The following KIF16B variants were observed in gnomAD, a reference collection of about 807,000 sequenced individuals.
The protein encoded by KIF16B is kinesin family member 16B.
In KIF16B, 98 loss-of-function variants were observed where a neutral mutation model predicts 156.3. That is an observed-to-expected ratio of 0.63 (90% CI 0.53 to 0.74). KIF16B has a LOEUF of 0.74. Ranked by LOEUF, KIF16B falls within the 30% of genes least tolerant of loss-of-function variation. KIF16B has a pLI of 0.00. For missense variants in KIF16B, 1,421 were observed against 1,606.5 expected, an observed-to-expected ratio of 0.88 and a Z score of 1.97; for synonymous variants, 564 against 583.7, an observed-to-expected ratio of 0.97 and a Z score of 0.49.
chr20:16,537,890 G>T (rs1395274857), intron 1 of KIF16B, among the ~76,000 whole-genome samples: 1 of 151,788 alleles, frequency 6.6e-6, no homozygotes, highest in South Asian at 2.1e-4. Flanking sequence ...TTTTAGTAGA[G>T]ACGGGGTTTC....
At chr20:16,378,763 T>G in intron 19 of KIF16B, 42 bp downstream of exon 19, 1 of 1,521,070 alleles carries the variant, frequency 6.6e-7, no homozygotes. Context: ...GAGCACTCAT[T>G]TGGCACCCAC....
chr20:16,494,471 C>A (rs952028620), intron 11 of KIF16B, 121 bp from the exon 12 acceptor site: 3 of 591,164 alleles, frequency 5.1e-6, no homozygotes, highest in Non-Finnish European at 8.8e-6. Flanking sequence ...GAGATCGCGA[C>A]TTTTACCCCT....
At position 16,371,739 on chromosome 20, in the gene KIF16B, C is replaced by G. The variant is rs1225995955; in HGVS notation, c.3373G>C (p.Glu1125Gln). The G allele has an allele frequency of 6.2e-7, 1 of 1,613,542 alleles. No homozygotes were observed. Among genetic ancestry groups the G allele is most frequent in the East Asian group, 2.2e-5 (1 of 44,882 alleles). The change falls in exon 21 of 26, where the codon GAA (glutamate) becomes CAA (glutamine). Residue 1125 changes from glutamate (E) to glutamine (Q), a missense_variant. Coordinates refer to ENST00000354981, the MANE Select transcript of KIF16B (RefSeq NM_024704.5). ...DARINAYIEE[E>Q]VQRRLQDLHR... is the part of the protein sequence containing the mutation. ...AAATCCTGAAGGCGTCTTTGGACTT[C>G]TTCTTCAATGTAAGCATTGATCCTG...
intron 14 of KIF16B, among the ~76,000 whole-genome samples, chr20:16,428,028 T>C (rs934596956): frequency 4.6e-5 from 7 of 152,124 alleles, no homozygotes; most frequent in African/African-American, 1.4e-4. Flanking sequence ...GTTCTTACCA[T>C]CATTTATAGC....
intron 25 of KIF16B, among the ~76,000 whole-genome samples, chr20:16,311,770 A>G (rs1428191855): frequency 1.3e-5 from 2 of 152,210 alleles, no homozygotes; most frequent in African/African-American, 2.4e-5. Flanking sequence ...AAAAAGAAAT[A>G]CAAACTAGAT....
chr20:16,274,788 C>T (rs921935283), intron 25 of KIF16B, among the ~76,000 whole-genome samples: 1 of 152,184 alleles, frequency 6.6e-6, no homozygotes, highest in Non-Finnish European at 1.5e-5. Context: ...GATGCCAAAG[C>T]ACAGGACAAA....
At chr20:16,549,035 TC>T (rs67724636) in intron 1 of KIF16B, among the ~76,000 whole-genome samples, 51,618 of 149,488 alleles carry the variant, frequency 0.35, 8,997 homozygotes, top group African/African-American at 0.36. Context: ...TGTTTTTTTT[TC>T]GTTAGTTTTT....
intron 25 of KIF16B, among the ~76,000 whole-genome samples, chr20:16,296,624 T>C (rs1366060665): frequency 6.6e-6 from 1 of 152,202 alleles, no homozygotes; most frequent in Non-Finnish European, 1.5e-5. Flanking sequence ...AGATGACAGA[T>C]GTTACCAGTC....
chr20:16,289,458 G>T (rs1340631223), intron 25 of KIF16B, among the ~76,000 whole-genome samples: 2 of 152,166 alleles, frequency 1.3e-5, no homozygotes, highest in East Asian at 1.9e-4. Flanking sequence ...GTAAAAGCAA[G>T]AATTTGAAAT....
At chr20:16,482,514 G>A (rs901773066) in intron 12 of KIF16B, among the ~76,000 whole-genome samples, 2 of 152,004 alleles carry the variant, frequency 1.3e-5, no homozygotes, top group Admixed American at 6.6e-5. Context: ...ACCCGCATTT[G>A]GAGCTCATTT....
At chr20:16,387,161 G>T (rs4814480) in intron 17 of KIF16B, among the ~76,000 whole-genome samples, 26,131 of 152,112 alleles carry the variant, frequency 0.17, 2,922 homozygotes, top group East Asian at 0.6. Flanking sequence ...TAATAGCAGG[G>T]TTAGAAGTAA....
intron 1 of KIF16B, among the ~76,000 whole-genome samples, chr20:16,551,833 C>T (rs1050883071): frequency 3.9e-5 from 6 of 152,118 alleles, no homozygotes; most frequent in African/African-American, 1.4e-4. Context: ...CCCAAGAAAG[C>T]AGGCCCCCCT....
chr20:16,324,683 T>C (rs1451768849), intron 24 of KIF16B, among the ~76,000 whole-genome samples: 4 of 151,814 alleles, frequency 2.6e-5, no homozygotes, highest in African/African-American at 7.2e-5. Flanking sequence ...TTTACACTAA[T>C]GAAAAATCAA....
chr20:16,474,062 G>A (rs2067739021), intron 12 of KIF16B, among the ~76,000 whole-genome samples: 1 of 152,088 alleles, frequency 6.6e-6, no homozygotes, highest in Non-Finnish European at 1.5e-5. Flanking sequence ...ACCTCCTCAG[G>A]TAATAGAGTT....
intron 10 of KIF16B, among the ~76,000 whole-genome samples, chr20:16,501,263 CAAG>C: frequency 1.6e-5 from 1 of 60,810 alleles, no homozygotes; most frequent in African/African-American, 4.3e-5. Flanking sequence ...TTTTATACAC[CAAG>C]AATTGAATTC....
intron 22 of KIF16B, among the ~76,000 whole-genome samples, chr20:16,370,119 G>C (rs1333731975): frequency 6.6e-6 from 1 of 152,122 alleles, no homozygotes; most frequent in Non-Finnish European, 1.5e-5. Context: ...CAGTGGAGGA[G>C]AATACCAGTG....
intron 12 of KIF16B, among the ~76,000 whole-genome samples, chr20:16,448,323 C>T (rs1450251038): frequency 6.6e-6 from 1 of 151,976 alleles, no homozygotes; most frequent in Non-Finnish European, 1.5e-5. Context: ...AATGCAGATG[C>T]TTCCACGTAT....
At chr20:16,452,366 GC>G (rs1398839984) in intron 12 of KIF16B, among the ~76,000 whole-genome samples, 1 of 149,254 alleles carries the variant, frequency 6.7e-6, no homozygotes, top group Non-Finnish European at 1.5e-5. Context: ...TTGAATATGA[GC>G]AAAAAAGTAA....
At chr20:16,332,544 T>G (rs1378386589) in intron 24 of KIF16B, among the ~76,000 whole-genome samples, 1 of 152,220 alleles carries the variant, frequency 6.6e-6, no homozygotes. Context: ...TATAACATTC[T>G]TTTGTCCTTA....
Sources: gnomAD v4.1 joint callset for allele counts (sites outside exome capture counted in the v4.1 genomes callset) on GRCh38, gnomAD v4.1.1 for gene constraint, MANE v1.5 for transcripts, NCBI Gene and HGNC (gene_info 2026-07-23, HGNC 2026-07-21) for gene names.